Variants in ELMOD1 observed in about 807,000 individuals in gnomAD.
ELMOD1 encodes ELMO domain containing 1.
A neutral mutation model predicts 46.7 loss-of-function variants in ELMOD1; 21 were observed. That is an observed-to-expected ratio of 0.45 (90% confidence interval 0.32 to 0.65). ELMOD1 has a LOEUF of 0.65. ELMOD1 is among the 30% of genes least tolerant of loss of function. ELMOD1 has a pLI of 0.04. For synonymous variants in ELMOD1, 122 were observed against 138.2 expected (o/e 0.88, Z 0.82); for missense variants, 348 against 407.8 (o/e 0.85, Z 1.26).
At position 107,665,193 on chromosome 11, in the gene ELMOD1, T is replaced by C. The variant is rs199647244; in HGVS notation, c.1001T>C (p.Met334Thr). ...GCTGCCTCGGAAGGTTTAATCAACA[T>C]GTAGTTGCCCACGCCGGTTTTAATG... ...HFAASEGLIN[M>T] Residue 334 changes from methionine to threonine, a missense_variant, in exon 12 of 12, where the codon ATG (methionine) becomes ACG (threonine). Physicochemically the swap from Met to Thr is moderately conservative, Grantham distance 81 (BLOSUM62 -1). Coordinates refer to ENST00000265840, the MANE Select transcript of ELMOD1 (RefSeq NM_018712.4). The C allele has an allele frequency of 6.2e-7, 1 of 1,613,794 alleles. No homozygotes were observed. Among genetic ancestry groups the C allele is most frequent in the Admixed American group, 1.7e-5 (1 of 59,998 alleles).
At chr11:107,610,671 A>G (rs1303489939) in intron 1 of ELMOD1, among the ~76,000 whole-genome samples, 6 of 151,838 alleles carry the variant, frequency 4.0e-5, no homozygotes, top group Non-Finnish European at 7.4e-5. Flanking sequence ...TAAAAAAAAA[A>G]AAAAAAAAAG....
At chr11:107,638,024 T>C (rs112508286) in intron 6 of ELMOD1, among the ~76,000 whole-genome samples, 3 of 152,192 alleles carry the variant, frequency 2.0e-5, no homozygotes, top group African/African-American at 7.2e-5. Context: ...AAGCTACAGC[T>C]CCTGTATCCT....
intron 8 of ELMOD1, 27 bp from the exon 9 acceptor site, chr11:107,650,858 C>A: frequency 9.2e-7 from 1 of 1,083,146 alleles, no homozygotes; most frequent in South Asian, 1.7e-5. Flanking sequence ...ATTTACTTTT[C>A]TAATTTTTTT....
At chr11:107,596,140 T>A (rs1298165976) in intron 1 of ELMOD1, among the ~76,000 whole-genome samples, 1 of 152,148 alleles carries the variant, frequency 6.6e-6, no homozygotes, top group Non-Finnish European at 1.5e-5. Context: ...ATTAGAATGC[T>A]GGTTTTAAGA....
At chr11:107,612,787 A>G (rs1481000478) in intron 1 of ELMOD1, among the ~76,000 whole-genome samples, 2 of 152,240 alleles carry the variant, frequency 1.3e-5, no homozygotes, top group Admixed American at 1.3e-4. Flanking sequence ...TTTAAAAAGA[A>G]ACAGTAATTT....
chr11:107,599,984 CT>C (rs1395157037), intron 1 of ELMOD1, among the ~76,000 whole-genome samples: 2 of 152,008 alleles, frequency 1.3e-5, no homozygotes, highest in Non-Finnish European at 2.9e-5. Flanking sequence ...TTATTATAGA[CT>C]TTCTTGGCTG....
At chr11:107,658,913 C>T (rs761031163) in intron 11 of ELMOD1, among the ~76,000 whole-genome samples, 2 of 152,138 alleles carry the variant, frequency 1.3e-5, no homozygotes, top group African/African-American at 2.4e-5. Context: ...CCAGCCTGGG[C>T]GACAGAGTGA....
chr11:107,610,998 CAAAAA>C (rs58417281), intron 1 of ELMOD1, among the ~76,000 whole-genome samples: 8 of 95,798 alleles, frequency 8.4e-5, no homozygotes, highest in Middle Eastern at 6.0e-3. Flanking sequence ...TGTAAGAATC[CAAAAA>C]AAAAAAAAAA....
intron 1 of ELMOD1, among the ~76,000 whole-genome samples, chr11:107,612,689 C>G (rs1865800248): frequency 6.6e-6 from 1 of 152,154 alleles, no homozygotes; most frequent in Non-Finnish European, 1.5e-5. Flanking sequence ...ATCACACACA[C>G]AGCTATGATT....
intron 1 of ELMOD1, among the ~76,000 whole-genome samples, chr11:107,601,529 C>A (rs1230236897): frequency 2.7e-5 from 4 of 150,574 alleles, no homozygotes; most frequent in Non-Finnish European, 4.4e-5. Context: ...AATTCTCCTG[C>A]CTCAGCCTCC....
chr11:107,642,709 T>C (rs1442580304), intron 6 of ELMOD1, among the ~76,000 whole-genome samples: 1 of 152,202 alleles, frequency 6.6e-6, no homozygotes, highest in Non-Finnish European at 1.5e-5. Flanking sequence ...CTGGTGAATA[T>C]ACAGCTTATG....
chr11:107,640,160 C>A (rs1301145305), intron 6 of ELMOD1, among the ~76,000 whole-genome samples: 1 of 152,050 alleles, frequency 6.6e-6, no homozygotes, highest in Non-Finnish European at 1.5e-5. Flanking sequence ...TGAGCCACAG[C>A]GCCTGGCTCA....
At chr11:107,604,401 T>G (rs563423023) in intron 1 of ELMOD1, among the ~76,000 whole-genome samples, 7 of 152,280 alleles carry the variant, frequency 4.6e-5, no homozygotes, top group African/African-American at 1.7e-4. Context: ...AGTCAGGAAA[T>G]GAGAGTCCTA....
intron 6 of ELMOD1, among the ~76,000 whole-genome samples, chr11:107,646,257 T>C (rs1021123437): frequency 1.1e-4 from 16 of 152,160 alleles, no homozygotes; most frequent in Non-Finnish European, 1.6e-4. Flanking sequence ...CAGTAAAGAG[T>C]ATAATGCTTA....
chr11:107,658,887 A>G (rs1046342545), intron 11 of ELMOD1, among the ~76,000 whole-genome samples: 4 of 152,222 alleles, frequency 2.6e-5, no homozygotes, highest in Non-Finnish European at 5.9e-5. Flanking sequence ...GTGAGCCGAG[A>G]TTGTGCCACT....
At chr11:107,596,867 A>G (rs960357353) in intron 1 of ELMOD1, among the ~76,000 whole-genome samples, 3 of 152,256 alleles carry the variant, frequency 2.0e-5, no homozygotes, top group East Asian at 3.9e-4. Flanking sequence ...CTATTCCTTT[A>G]AACTGTAGAT....
In ELMOD1 at chr11:107,591,254, G is replaced by C. The variant is rs1017045574; in HGVS notation, c.-241G>C. ...CCCCTTCCGCGCCCGCAGCCAGTGC[G>C]GCAGCCGCGGCCGCCCCTGTCCAGC... On this transcript the variant is annotated 5_prime_UTR_variant, in exon 1 of 12. Coordinates refer to ENST00000265840, the MANE Select transcript of ELMOD1 (RefSeq NM_018712.4). 6.6e-6 allele frequency: 1 copy of C among 152,130 alleles called. No homozygotes were observed. The highest frequency in any genetic ancestry group is 1.5e-5 in the Non-Finnish European group (1 of 68,094). 9.4% of individuals were successfully genotyped at this position (152,130 alleles called of 1,614,324 possible). A position where few individuals can be genotyped will look rare whatever the true frequency, so the allele number is the denominator to read the frequency against.
At chr11:107,661,192 G>A (rs1046282920) in intron 11 of ELMOD1, among the ~76,000 whole-genome samples, 5 of 152,144 alleles carry the variant, frequency 3.3e-5, no homozygotes, top group Non-Finnish European at 5.9e-5. Flanking sequence ...TGAGCATGGC[G>A]TCAGATTGTG....
intron 6 of ELMOD1, among the ~76,000 whole-genome samples, chr11:107,639,061 G>C (rs889066728): frequency 6.6e-6 from 1 of 152,148 alleles, no homozygotes; most frequent in African/African-American, 2.4e-5. Flanking sequence ...GAGGCAGGAG[G>C]ATCACTTGTG....
Sources: allele counts gnomAD v4.1 joint callset (sites outside exome capture counted in the v4.1 genomes callset), GRCh38; gene constraint gnomAD v4.1.1; transcripts MANE v1.5; gene names NCBI Gene and HGNC (gene_info 2026-07-23, HGNC 2026-07-21).